RPH3A: variants seen among roughly 807,000 people sequenced by gnomAD.
RPH3A encodes the protein rabphilin 3A, also known as rabphilin-3A.
In RPH3A, 48 loss-of-function variants were observed where a neutral mutation model predicts 102.2. The observed-to-expected ratio is 0.47, with a 90% confidence interval of 0.37 to 0.60. The LOEUF (loss-of-function observed/expected upper bound fraction) is 0.60, where lower values mean the gene tolerates loss of function less well. Ranked by LOEUF, RPH3A falls within the 20% of genes least tolerant of loss-of-function variation. The pLI is 0.00. For missense variants in RPH3A, 781 were observed against 910.1 expected, an observed-to-expected ratio of 0.86 and a Z score of 1.83; for synonymous variants, 310 against 324.3, an observed-to-expected ratio of 0.96 and a Z score of 0.47.
intron 5 of RPH3A, among the ~76,000 whole-genome samples, chr12:112,864,522 GAC>G (rs1490881060): frequency 6.6e-6 from 1 of 151,588 alleles, no homozygotes; most frequent in African/African-American, 2.4e-5. Flanking sequence ...AACAGAGAGA[GAC>G]AGAGAGATCA....
intron 1 of RPH3A, among the ~76,000 whole-genome samples, chr12:112,772,151 C>G (rs1030558927): frequency 6.6e-6 from 1 of 152,136 alleles, no homozygotes; most frequent in Non-Finnish European, 1.5e-5. Context: ...TCCCTTATGC[C>G]CCGGGTTTTA....
intron 3 of RPH3A, among the ~76,000 whole-genome samples, chr12:112,833,786 A>G (rs888446838): frequency 4.0e-5 from 6 of 151,442 alleles, no homozygotes; most frequent in African/African-American, 9.7e-5. Flanking sequence ...CCGGAGTGCA[A>G]TAGCACAACC....
At chr12:112,859,891 T>C (rs574165579) in intron 5 of RPH3A, among the ~76,000 whole-genome samples, 1 of 152,340 alleles carries the variant, frequency 6.6e-6, no homozygotes, top group Admixed American at 6.5e-5. Context: ...TCAACAGGAC[T>C]TCATGCTTAA....
Position 112,666,700 on chromosome 12 carries a change from G to T in RPH3A, c.-140+91381G>T, listed in dbSNP as rs182354144. The stretch of plus-strand genomic sequence containing the variant: ...TGGTGGGGAAGAGATGTCTGCACTT[G>T]TGAAGTAGGTTCTTAGAGGTAAAAT... On this transcript the variant is annotated intron_variant, in intron 1 of 21. Transcript: ENST00000543106. Among the ~76,000 whole-genome samples, 459 of 152,200 alleles carry T rather than the reference G, an allele frequency of 3.0e-3. 5 individuals are homozygous for T. The highest frequency in any genetic ancestry group is 0.01 in the African/African-American group (430 of 41,528).
chr12:112,742,653 T>TG (rs1046700739), intron 1 of RPH3A, among the ~76,000 whole-genome samples: 1 of 152,164 alleles, frequency 6.6e-6, no homozygotes, highest in Admixed American at 6.5e-5. Context: ...CTGTCAGGGC[T>TG]GGGGGAGAAA....
In RPH3A at chr12:112,634,393, C is replaced by A. The variant is rs550506065; in HGVS notation, c.-140+59074C>A. Among the ~76,000 whole-genome samples the A allele has an allele frequency of 2.0e-3, 10 of 4,956 alleles. 4 individuals carry two copies. The African/African-American group carries it at 0.033, about 17-fold the overall frequency. The allele number at this position is 4,956 out of a possible 152,430, so 3.3% of individuals were successfully genotyped here. A position where few individuals can be genotyped will look rare whatever the true frequency, so the allele number is the denominator to read the frequency against. On this transcript the variant is annotated intron_variant, in intron 1 of 21. Coordinates refer to the RPH3A transcript ENST00000543106. Reference sequence around the variant, plus strand: ...ACAAAAAAACAAACAAACAAACAAACAAAATACAAAAAGTTAGCCAGGCGT... The same window carrying A: ...ACAAAAAAACAAACAAACAAACAAAAAAAATACAAAAAGTTAGCCAGGCGT...
chr12:112,705,575 T>C (rs983618278), intron 1 of RPH3A, among the ~76,000 whole-genome samples: 1 of 152,192 alleles, frequency 6.6e-6, no homozygotes, highest in South Asian at 2.1e-4. Flanking sequence ...TGGAAAATTG[T>C]GTGGAAAAAA....
Position 112,879,150 on chromosome 12 carries a change from C to T in RPH3A, c.1203C>T (p.Leu401=). 6.2e-7 allele frequency: 1 copy of T among 1,614,134 alleles called. No individual in the cohort carries two copies. The highest frequency in any genetic ancestry group is 1.1e-5 in the South Asian group (1 of 91,058). Residue 401 remains leucine, a synonymous_variant, in exon 14 of 22, where the codon CTC becomes CTT. Coordinates refer to ENST00000389385, the MANE Select transcript of RPH3A (RefSeq NM_001143854.2). The part of the protein sequence containing the change: ...TTLGALEFSL[L]YDQDNSSLQC... ...TGGGTGCCCTGGAATTCAGCCTTCTCTACGACCAGGACAACAGCTCCCTGC... is the reference window on the plus strand; with the variant it reads ...TGGGTGCCCTGGAATTCAGCCTTCTTTACGACCAGGACAACAGCTCCCTGC...
intron 5 of RPH3A, 65 bp downstream of exon 5, chr12:112,847,907 C>T (rs2042257798): frequency 1.9e-6 from 3 of 1,570,460 alleles, no homozygotes; most frequent in Non-Finnish European, 2.6e-6. Flanking sequence ...TGGGCTGGAG[C>T]AGGGCTTTGG....
chr12:112,675,496 T>A (rs1330640094), intron 1 of RPH3A, among the ~76,000 whole-genome samples: 1 of 152,214 alleles, frequency 6.6e-6, no homozygotes. Context: ...GTGAGAAAAC[T>A]GAGACATAAG....
chr12:112,753,252 C>T (rs575173387), intron 1 of RPH3A, among the ~76,000 whole-genome samples: 5 of 152,278 alleles, frequency 3.3e-5, no homozygotes, highest in African/African-American at 1.2e-4. Flanking sequence ...CTGGGCAGAG[C>T]CCACTTCATT....
intron 19 of RPH3A, 67 bp from the exon 20 acceptor site, chr12:112,894,511 T>C (rs2043148359): frequency 7.1e-7 from 1 of 1,411,884 alleles, no homozygotes; most frequent in Non-Finnish European, 9.9e-7. Flanking sequence ...GAAGGGGCCT[T>C]TGGGGTCAAG....
chr12:112,585,454 G>A (rs562838567), intron 1 of RPH3A, among the ~76,000 whole-genome samples: 80 of 152,350 alleles, frequency 5.3e-4, no homozygotes, highest in African/African-American at 1.4e-3. Context: ...AAAAGGTTAC[G>A]CTGGGCGCGG....
At chr12:112,874,634 A>ACACC (rs888443375) in intron 10 of RPH3A, among the ~76,000 whole-genome samples, 1 of 152,176 alleles carries the variant, frequency 6.6e-6, no homozygotes. Flanking sequence ...GAAGATAGAG[A>ACACC]CACATTCTTT....
intron 1 of RPH3A, among the ~76,000 whole-genome samples, chr12:112,614,848 G>A (rs1391166930): frequency 5.9e-5 from 9 of 152,012 alleles, no homozygotes; most frequent in South Asian, 4.1e-4. Context: ...GTGGTGGTGC[G>A]ATCATGGCTC....
intron 1 of RPH3A, among the ~76,000 whole-genome samples, chr12:112,687,899 T>C (rs1234853086): frequency 6.6e-6 from 1 of 152,186 alleles, no homozygotes; most frequent in Non-Finnish European, 1.5e-5. Context: ...TTTTTTAGGA[T>C]AATTCAGAGT....
rs2040901010 is a variant in RPH3A at position 112,767,826 on chromosome 12, T to TGC, written c.-139-24317_-139-24316insGC. ...AATATGTGCTACATCACGATGAACC[T>TGC]TAAAAAAAATCATGCTAAGTGAAAG... is the stretch of plus-strand genomic sequence containing the variant. On this transcript the variant is annotated intron_variant, in intron 1 of 21. Coordinates refer to the RPH3A transcript ENST00000543106. Among the ~76,000 whole-genome samples, 3 of 152,306 alleles carry TGC rather than the reference T, an allele frequency of 2.0e-5. No homozygotes were observed. In the South Asian group the frequency reaches 6.2e-4, roughly 32 times the overall value.
At chr12:112,644,791 T>C (rs2039916495) in intron 1 of RPH3A, among the ~76,000 whole-genome samples, 1 of 152,052 alleles carries the variant, frequency 6.6e-6, no homozygotes, top group Admixed American at 6.6e-5. Context: ...CTCACCTGAG[T>C]GGGGAAGAAA....
chr12:112,753,644 G>A (rs1195329652), intron 1 of RPH3A, among the ~76,000 whole-genome samples: 1 of 152,140 alleles, frequency 6.6e-6, no homozygotes, highest in Non-Finnish European at 1.5e-5. Flanking sequence ...GACCCAGGAA[G>A]GCCCTAAGAT....
Sources: gnomAD v4.1 joint callset for allele counts (sites outside exome capture counted in the v4.1 genomes callset) on GRCh38, gnomAD v4.1.1 for gene constraint, MANE v1.5 for transcripts, NCBI Gene and HGNC (gene_info 2026-07-23, HGNC 2026-07-21) for gene names.